Variants in GUCY1A2 observed in about 807,000 individuals in gnomAD.
GUCY1A2 encodes the protein guanylate cyclase soluble subunit alpha-2.
In GUCY1A2, 27 loss-of-function variants were observed where a neutral mutation model predicts 63.5. The ratio of observed to expected loss-of-function variants is 0.43; its 90% confidence interval spans 0.31 to 0.59. The LOEUF is 0.59. Among genes scored for constraint, GUCY1A2 ranks in the 20% least tolerant of loss-of-function variants. The probability of loss-of-function intolerance (pLI) is 0.11; values close to 1 mark genes in which losing one functional copy is unlikely to be tolerated. For missense variants in GUCY1A2, 768 were observed against 913.3 expected, an observed-to-expected ratio of 0.84 and a Z score of 2.05; for synonymous variants, 364 against 343.5, an observed-to-expected ratio of 1.06 and a Z score of -0.66.
At chr11:106,878,919 A>C (rs1269454932) in intron 4 of GUCY1A2, among the ~76,000 whole-genome samples, 2 of 152,060 alleles carry the variant, frequency 1.3e-5, no homozygotes, top group Non-Finnish European at 2.9e-5. Context: ...TGACCTACAG[A>C]ACAATAAGAT....
At position 106,678,624 on chromosome 11, in the gene GUCY1A2, T is replaced by C. The variant is rs565327247; in HGVS notation, c.*8925A>G. 1.9e-5 allele frequency: 4 copies of C among 210,764 alleles called. No individual in the cohort carries two copies. Among genetic ancestry groups the C allele is most frequent in the Non-Finnish European group, 3.9e-5 (4 of 103,852 alleles). The allele number at this position is 210,764 out of a possible 1,614,324, so 13.1% of individuals were successfully genotyped here. A position where few individuals can be genotyped will look rare whatever the true frequency, so the allele number is the denominator to read the frequency against. ...GCATAGTTTCTTACTAGTCAGAGAG[T>C]CAGAGGTGATGTAACAATATTCATA... is the stretch of plus-strand genomic sequence containing the variant. On this transcript the variant is annotated 3_prime_UTR_variant, in exon 8 of 8. Transcript: ENST00000526355.
At chr11:106,915,534 AC>A (rs1196138876) in intron 4 of GUCY1A2, among the ~76,000 whole-genome samples, 1 of 146,982 alleles carries the variant, frequency 6.8e-6, no homozygotes, top group African/African-American at 2.4e-5. Flanking sequence ...AGATAAAAAA[AC>A]ATTTTGTAAA....
intron 4 of GUCY1A2, among the ~76,000 whole-genome samples, chr11:106,937,078 TTTAC>T (rs1860689162): frequency 6.6e-6 from 1 of 152,202 alleles, no homozygotes. Context: ...ATGTGACAAC[TTTAC>T]TGACCATAGT....
intron 4 of GUCY1A2, among the ~76,000 whole-genome samples, chr11:106,938,858 T>G (rs1420985644): frequency 6.6e-6 from 1 of 152,226 alleles, no homozygotes; most frequent in Non-Finnish European, 1.5e-5. Context: ...AAAAATTTCC[T>G]AGTCTTCACT....
At chr11:106,854,247 C>A (rs901244647) in intron 4 of GUCY1A2, among the ~76,000 whole-genome samples, 11 of 152,096 alleles carry the variant, frequency 7.2e-5, no homozygotes, top group Non-Finnish European at 1.3e-4. Flanking sequence ...CAGCCTTGGG[C>A]CCGTGGGAGT....
At chr11:106,711,319 C>T (rs1863114938) in intron 6 of GUCY1A2, among the ~76,000 whole-genome samples, 2 of 152,140 alleles carry the variant, frequency 1.3e-5, no homozygotes, top group African/African-American at 4.8e-5. Context: ...GTGGAAAAAA[C>T]ATTCCAAGTA....
chr11:106,849,647 T>G (rs941483030), intron 4 of GUCY1A2, among the ~76,000 whole-genome samples: 1 of 151,692 alleles, frequency 6.6e-6, no homozygotes, highest in African/African-American at 2.4e-5. Context: ...CAGCTCTGTT[T>G]GTATAAATGT....
At chr11:106,748,306 A>G (rs768125796) in intron 6 of GUCY1A2, among the ~76,000 whole-genome samples, 1 of 152,178 alleles carries the variant, frequency 6.6e-6, no homozygotes, top group East Asian at 1.9e-4. Context: ...TGAAACAAAC[A>G]TAAGATGCAA....
chr11:106,906,279 C>T (rs1228973513), intron 4 of GUCY1A2, among the ~76,000 whole-genome samples: 2 of 151,970 alleles, frequency 1.3e-5, no homozygotes, highest in Non-Finnish European at 2.9e-5. Context: ...ACTGGGCGAA[C>T]GATATGAACA....
intron 7 of GUCY1A2, among the ~76,000 whole-genome samples, chr11:106,698,138 T>TTTTTTTTTTTTTTTTTTTC (rs1555020237): frequency 6.9e-6 from 1 of 145,758 alleles, no homozygotes; most frequent in African/African-American, 2.6e-5. Context: ...TTTTTTTTTT[T>TTTTTTTTTTTTTTTTTTTC]AGACAGGGTC....
At chr11:106,802,495 A>C (rs1858623393) in intron 5 of GUCY1A2, among the ~76,000 whole-genome samples, 1 of 152,228 alleles carries the variant, frequency 6.6e-6, no homozygotes, top group African/African-American at 2.4e-5. Context: ...AAGAGAACTT[A>C]CTAGAGACTT....
chr11:106,713,722 G>A (rs770426051), intron 6 of GUCY1A2, among the ~76,000 whole-genome samples: 3 of 151,718 alleles, frequency 2.0e-5, no homozygotes, highest in Non-Finnish European at 4.4e-5. Context: ...TAGCCAGGAT[G>A]GTCTCGATCT....
At chr11:106,904,258 T>C (rs1860173881) in intron 4 of GUCY1A2, among the ~76,000 whole-genome samples, 1 of 152,174 alleles carries the variant, frequency 6.6e-6, no homozygotes, top group South Asian at 2.1e-4. Flanking sequence ...ACTTGGCCTG[T>C]ATCTCATCCA....
At chr11:106,714,604 C>T (rs1386687675) in intron 6 of GUCY1A2, among the ~76,000 whole-genome samples, 1 of 152,124 alleles carries the variant, frequency 6.6e-6, no homozygotes, top group Non-Finnish European at 1.5e-5. Context: ...GTTAACCAAG[C>T]AGTAATATTT....
chr11:106,998,321 G>C (rs185500731), intron 1 of GUCY1A2, among the ~76,000 whole-genome samples: 29 of 152,108 alleles, frequency 1.9e-4, no homozygotes, highest in African/African-American at 6.8e-4. Flanking sequence ...AAGGGATATT[G>C]GGAACAGCTG....
chr11:106,816,392 ATTG>A (rs1858832626), intron 4 of GUCY1A2, among the ~76,000 whole-genome samples: 1 of 151,884 alleles, frequency 6.6e-6, no homozygotes, highest in Non-Finnish European at 1.5e-5. Flanking sequence ...TAAAAGAGGA[ATTG>A]TTAACAGAAA....
intron 6 of GUCY1A2, among the ~76,000 whole-genome samples, chr11:106,761,446 G>A (rs1256199250): frequency 6.6e-6 from 1 of 152,122 alleles, no homozygotes; most frequent in Non-Finnish European, 1.5e-5. Flanking sequence ...AGTCATAGTT[G>A]CAACGTTTTT....
rs1422686201 is a variant in GUCY1A2 at position 106,684,090 on chromosome 11, GACAC to G, written c.*3455_*3458del. ...TCTTTTGCTTTGTTTTTCCTGGAAA[GACAC>G]ACATATTCACACTAAACTACTGTGT... On this transcript the variant is annotated 3_prime_UTR_variant, in exon 8 of 8. Transcript: ENST00000526355. 5.4e-6 allele frequency: 1 copy of G among 185,748 alleles called. No homozygotes were observed. The highest frequency in any genetic ancestry group is 1.1e-5 in the Non-Finnish European group (1 of 87,810). 11.5% of individuals were successfully genotyped at this position (185,748 alleles called of 1,614,324 possible). A position where few individuals can be genotyped will look rare whatever the true frequency, so the allele number is the denominator to read the frequency against.
At chr11:106,702,873 T>G (rs1862841387) in intron 7 of GUCY1A2, among the ~76,000 whole-genome samples, 1 of 152,098 alleles carries the variant, frequency 6.6e-6, no homozygotes, top group African/African-American at 2.4e-5. Flanking sequence ...GGTCTCATGG[T>G]ATGACGTTTA....
Sources: gnomAD v4.1 joint callset for allele counts (sites outside exome capture counted in the v4.1 genomes callset) on GRCh38, gnomAD v4.1.1 for gene constraint, MANE v1.5 for transcripts, NCBI Gene and HGNC (gene_info 2026-07-23, HGNC 2026-07-21) for gene names.